Variants in CDH13 observed in about 807,000 individuals in gnomAD.
CDH13 encodes the protein cadherin 13.
In CDH13, 24 loss-of-function variants were observed where a neutral mutation model predicts 63.8. The observed-to-expected ratio is 0.38, with a 90% CI of 0.27 to 0.53. The LOEUF (loss-of-function observed/expected upper bound fraction) is 0.53. CDH13 is among the 20% of genes least tolerant of loss of function. The pLI is 0.85. For synonymous variants in CDH13, 503 were observed against 355.3 expected, an observed-to-expected ratio of 1.42 and a Z score of -4.67; for missense variants, 1,049 against 903.1, an observed-to-expected ratio of 1.16 and a Z score of -2.07.
chr16:83,404,307 G>A (rs1489073576), intron 6 of CDH13, among the ~76,000 whole-genome samples: 2 of 152,148 alleles, frequency 1.3e-5, no homozygotes, highest in Non-Finnish European at 2.9e-5. Context: ...TCTCAGTACA[G>A]CCTTCAATAC....
intron 8 of CDH13, among the ~76,000 whole-genome samples, chr16:83,635,796 GT>G (rs1464766206): frequency 6.6e-6 from 1 of 152,056 alleles, no homozygotes; most frequent in African/African-American, 2.4e-5. Flanking sequence ...CAGAACAAAA[GT>G]TTTTAATTTC....
intron 4 of CDH13, among the ~76,000 whole-genome samples, chr16:83,140,178 A>G (rs1041833661): frequency 3.3e-5 from 5 of 152,122 alleles, no homozygotes; most frequent in East Asian, 3.9e-4. Context: ...TAACATTCCA[A>G]CAAGCCTCCT....
At chr16:83,284,591 G>C (rs76176371) in intron 5 of CDH13, among the ~76,000 whole-genome samples, 2 of 152,044 alleles carry the variant, frequency 1.3e-5, no homozygotes, top group Non-Finnish European at 2.9e-5. Context: ...ACTACCAGCC[G>C]TGTCTGAGGC....
chr16:83,339,418 T>C (rs2090673025), intron 5 of CDH13, among the ~76,000 whole-genome samples: 1 of 152,146 alleles, frequency 6.6e-6, no homozygotes, highest in South Asian at 2.1e-4. Context: ...TAGGAAAGGA[T>C]AAAGCTGGGC....
At chr16:82,943,138 T>C (rs1200207019) in intron 2 of CDH13, among the ~76,000 whole-genome samples, 2 of 152,166 alleles carry the variant, frequency 1.3e-5, no homozygotes, top group African/African-American at 4.8e-5. Context: ...GATTTGAGAG[T>C]TTAGCATTTA....
At chr16:82,732,380 C>T (rs2033449479) in intron 1 of CDH13, among the ~76,000 whole-genome samples, 1 of 152,178 alleles carries the variant, frequency 6.6e-6, no homozygotes, top group Non-Finnish European at 1.5e-5. Context: ...CACTCAACTA[C>T]AACATATTTG....
chr16:83,514,226 G>T (rs190117234), intron 7 of CDH13, among the ~76,000 whole-genome samples: 1 of 152,082 alleles, frequency 6.6e-6, no homozygotes, highest in African/African-American at 2.4e-5. Flanking sequence ...GGTTGACTAG[G>T]GTCCTCCCCA....
chr16:82,893,404 G>A (rs1257781016), intron 2 of CDH13, among the ~76,000 whole-genome samples: 1 of 152,180 alleles, frequency 6.6e-6, no homozygotes, highest in Non-Finnish European at 1.5e-5. Context: ...AGTGTGCAAA[G>A]CAAACCAAGA....
intron 5 of CDH13, among the ~76,000 whole-genome samples, chr16:83,287,264 G>C (rs1308121993): frequency 6.6e-6 from 1 of 152,152 alleles, no homozygotes; most frequent in African/African-American, 2.4e-5. Flanking sequence ...AGCCAGAGAG[G>C]CATTCGCTTC....
chr16:83,072,018 A>G (rs2032475341), intron 3 of CDH13, among the ~76,000 whole-genome samples: 1 of 152,122 alleles, frequency 6.6e-6, no homozygotes, highest in Non-Finnish European at 1.5e-5. Flanking sequence ...GCTTTTAAAA[A>G]CTAAAAATAA....
At chr16:82,937,599 T>A (rs2042711393) in intron 2 of CDH13, among the ~76,000 whole-genome samples, 1 of 152,210 alleles carries the variant, frequency 6.6e-6, no homozygotes, top group Non-Finnish European at 1.5e-5. Context: ...AATAAACATG[T>A]ATATTATTGC....
chr16:83,324,682 T>G (rs763124626), intron 5 of CDH13, among the ~76,000 whole-genome samples: 8 of 152,354 alleles, frequency 5.3e-5, no homozygotes, highest in South Asian at 4.1e-4. Context: ...ACCTTTTGAC[T>G]ATTATGAATA....
intron 2 of CDH13, among the ~76,000 whole-genome samples, chr16:82,999,627 C>T (rs994698125): frequency 2.0e-5 from 3 of 152,104 alleles, no homozygotes. Context: ...AAATTGATAT[C>T]ATTGGCTACA....
chr16:82,754,901 T>G (rs1001937099), intron 1 of CDH13, among the ~76,000 whole-genome samples: 4 of 152,228 alleles, frequency 2.6e-5, no homozygotes, highest in African/African-American at 9.6e-5. Flanking sequence ...TTTGGTTCAT[T>G]ACTAGGTTTC....
chr16:83,247,528 T>A (rs1905093744), intron 5 of CDH13, among the ~76,000 whole-genome samples: 1 of 152,024 alleles, frequency 6.6e-6, no homozygotes, highest in South Asian at 2.1e-4. Flanking sequence ...CTGTTAAACA[T>A]GCATGTGATT....
chr16:83,521,304 T>C (rs1004958410), intron 7 of CDH13, among the ~76,000 whole-genome samples: 1 of 151,826 alleles, frequency 6.6e-6, no homozygotes, highest in African/African-American at 2.4e-5. Context: ...GACTGTGAGG[T>C]CCTTCAAGAG....
At chr16:82,750,065 G>A (rs1036165823) in intron 1 of CDH13, among the ~76,000 whole-genome samples, 1 of 152,056 alleles carries the variant, frequency 6.6e-6, no homozygotes, top group African/African-American at 2.4e-5. Flanking sequence ...TGGAGGAGTT[G>A]CACCAAAAAG....
chr16:83,322,133 G>C (rs902154587), intron 5 of CDH13, among the ~76,000 whole-genome samples: 5 of 152,162 alleles, frequency 3.3e-5, no homozygotes, highest in Non-Finnish European at 7.3e-5. Context: ...CCCTGGGATC[G>C]TTGAGGGGGG....
intron 1 of CDH13, among the ~76,000 whole-genome samples, chr16:82,736,322 A>G (rs953653083): frequency 2.0e-5 from 3 of 152,204 alleles, no homozygotes; most frequent in Admixed American, 6.5e-5. Flanking sequence ...GCCCAAAGAC[A>G]AAGCGGAGTT....
Sources: allele counts gnomAD v4.1 joint callset (sites outside exome capture counted in the v4.1 genomes callset), GRCh38; gene constraint gnomAD v4.1.1; transcripts MANE v1.5; gene names NCBI Gene and HGNC (gene_info 2026-07-23, HGNC 2026-07-21).